The following TMTC2 variants were observed in gnomAD, a reference collection of about 807,000 sequenced individuals.
TMTC2 encodes the protein protein O-mannosyl-transferase TMTC2.
TMTC2 carries 43 observed loss-of-function variants against 82.4 expected under a neutral mutation model. The ratio of observed to expected loss-of-function variants is 0.52; its 90% CI spans 0.41 to 0.67. TMTC2 has a LOEUF of 0.67. Among genes scored for constraint, TMTC2 ranks in the 30% least tolerant of loss-of-function variants. TMTC2 has a pLI of 0.00. For synonymous variants in TMTC2, 408 were observed against 381.9 expected, an observed-to-expected ratio of 1.07 and a Z score of -0.80; for missense variants, 919 against 1,012.4, an observed-to-expected ratio of 0.91 and a Z score of 1.25.
At chr12:82,749,895 GC>G (rs1875892722) in intron 1 of TMTC2, among the ~76,000 whole-genome samples, 1 of 151,746 alleles carries the variant, frequency 6.6e-6, no homozygotes, top group Non-Finnish European at 1.5e-5. Context: ...GCACCACCAC[GC>G]CCGCATAATT....
intron 1 of TMTC2, among the ~76,000 whole-genome samples, chr12:82,767,503 C>G (rs1424048982): frequency 1.3e-5 from 2 of 152,126 alleles, no homozygotes; most frequent in Non-Finnish European, 2.9e-5. Context: ...GGGAGGATCA[C>G]TTGACCCAGG....
chr12:82,783,549 C>T (rs1045261257), intron 1 of TMTC2, among the ~76,000 whole-genome samples: 6 of 152,140 alleles, frequency 3.9e-5, no homozygotes, highest in Middle Eastern at 3.4e-3. Flanking sequence ...ACTGATCTTT[C>T]TTTATGCCTA....
At chr12:82,871,084 C>T (rs1872149820) in intron 2 of TMTC2, among the ~76,000 whole-genome samples, 1 of 152,306 alleles carries the variant, frequency 6.6e-6, no homozygotes, top group African/African-American at 2.4e-5. Flanking sequence ...TGAGAACCAC[C>T]ATTTATCAAG....
At chr12:82,778,717 C>T (rs965505799) in intron 1 of TMTC2, among the ~76,000 whole-genome samples, 39 of 150,850 alleles carry the variant, frequency 2.6e-4, no homozygotes, top group African/African-American at 8.2e-4. Flanking sequence ...GGCGTAGTGG[C>T]GGGCGCCTGT....
At position 82,865,390 on chromosome 12, in the gene TMTC2, A is replaced by T. The variant is rs568186241; in HGVS notation, c.654+7810A>T. 7.2e-5 allele frequency among the ~76,000 whole-genome samples: 11 copies of T among 152,356 alleles called. No individual in the cohort carries two copies. The East Asian group carries it at 1.9e-3, about 27-fold the overall frequency. On this transcript the variant is annotated intron_variant, in intron 2 of 11. Coordinates refer to ENST00000321196, the MANE Select transcript of TMTC2 (RefSeq NM_152588.3). ...TCTCTGATAAAACAGGCTTTAAACC[A>T]ACAAAGATCAAAAGAGACAAAGAAG...
intron 2 of TMTC2, 129 bp downstream of exon 2, chr12:82,857,709 A>C (rs1357951310): frequency 1.7e-5 from 13 of 779,730 alleles, no homozygotes; most frequent in Non-Finnish European, 2.4e-5. Context: ...TTTGATCTTC[A>C]GTAAGTGGAA....
chr12:82,847,741 A>C (rs146633398), intron 1 of TMTC2, among the ~76,000 whole-genome samples: 5 of 151,956 alleles, frequency 3.3e-5, no homozygotes, highest in African/African-American at 1.2e-4. Context: ...TGGGAATTGA[A>C]CAATGAGATC....
chr12:82,882,184 A>G (rs1047552345), intron 2 of TMTC2, among the ~76,000 whole-genome samples: 2 of 151,004 alleles, frequency 1.3e-5, no homozygotes, highest in Non-Finnish European at 2.9e-5. Flanking sequence ...TATTTTTAGT[A>G]GAGACGGGGT....
chr12:82,740,850 C>T (rs79489175), intron 1 of TMTC2, among the ~76,000 whole-genome samples: 5 of 152,146 alleles, frequency 3.3e-5, no homozygotes, highest in Admixed American at 3.3e-4. Flanking sequence ...AGCTAAAAGG[C>T]CTCTTTCATG....
At chr12:82,748,072 A>G (rs576068277) in intron 1 of TMTC2, among the ~76,000 whole-genome samples, 1 of 152,210 alleles carries the variant, frequency 6.6e-6, no homozygotes, top group Non-Finnish European at 1.5e-5. Flanking sequence ...GCACTTTGGG[A>G]GGCTGAGGCG....
chr12:82,980,680 C>A lies in TMTC2; in HGVS notation c.1949-5245C>A, dbSNP rs183853361. On this transcript the variant is annotated intron_variant, in intron 7 of 11. Transcript: ENST00000321196. ...TTCCCCCCATGAGCTTGTCTGGCAG[C>A]TTTTTAATAAAGAAAGTTCTAAAAC... Among the ~76,000 whole-genome samples, 564 of 151,818 alleles carry A rather than the reference C, an allele frequency of 3.7e-3. 2 individuals are homozygous for A. The highest frequency in any genetic ancestry group is 5.6e-3 in the Admixed American group (85 of 15,208).
intron 1 of TMTC2, among the ~76,000 whole-genome samples, chr12:82,775,557 G>A (rs1325064271): frequency 6.6e-6 from 1 of 152,060 alleles, no homozygotes; most frequent in East Asian, 1.9e-4. Flanking sequence ...ATGGAAGTTA[G>A]GAGAGGGCAT....
intron 9 of TMTC2, among the ~76,000 whole-genome samples, chr12:83,033,671 A>C (rs781713795): frequency 2.8e-4 from 43 of 151,944 alleles, no homozygotes; most frequent in Non-Finnish European, 5.9e-4. Context: ...GAATCACTTG[A>C]ACCCGGGAGG....
intron 4 of TMTC2, among the ~76,000 whole-genome samples, chr12:82,940,082 G>A (rs1251735825): frequency 2.1e-5 from 3 of 143,172 alleles, no homozygotes; most frequent in East Asian, 2.1e-4. Context: ...GTGCAGTGGC[G>A]CGATCTCGGC....
chr12:82,930,577 G>A (rs369699756), intron 4 of TMTC2, 32 bp downstream of exon 4: 122 of 1,434,662 alleles, frequency 8.5e-5, no homozygotes, highest in Admixed American at 1.4e-4. Flanking sequence ...GGTTTGGTTC[G>A]TCTTTGAAAC....
In TMTC2 at chr12:83,115,498, A is replaced by T. The variant is rs531478056; in HGVS notation, c.2332-16712A>T. Among the ~76,000 whole-genome samples, 12 of 152,296 alleles carry T rather than the reference A, an allele frequency of 7.9e-5. No homozygotes were observed. The South Asian group carries it at 1.5e-3, about 18-fold the overall frequency. On this transcript the variant is annotated intron_variant, in intron 11 of 11. Coordinates refer to ENST00000321196, the MANE Select transcript of TMTC2 (RefSeq NM_152588.3). Reference sequence around the variant, plus strand: ...TTCTGTATGTACTTTGAGACATCAGATATCTTCTTATATAGAACTTTTATT... The same window carrying T: ...TTCTGTATGTACTTTGAGACATCAGTTATCTTCTTATATAGAACTTTTATT...
intron 11 of TMTC2, among the ~76,000 whole-genome samples, chr12:83,125,102 G>A (rs1885063809): frequency 6.6e-6 from 1 of 152,196 alleles, no homozygotes; most frequent in Non-Finnish European, 1.5e-5. Flanking sequence ...AGGAGCTGCT[G>A]TCCTCCCGTA....
chr12:82,857,688 A>G lies in TMTC2; in HGVS notation c.654+108A>G, dbSNP rs543753849. 170 of 1,061,440 alleles carry G rather than the reference A, an allele frequency of 1.6e-4. 5 individuals are homozygous for G. The South Asian group carries it at 2.6e-3, about 16-fold the overall frequency. 65.8% of individuals were successfully genotyped at this position (1,061,440 alleles called of 1,614,324 possible). ...TATTCCTCTGCAAGCGGAATTTAAA[A>G]TAAGTTCCTTTTTGATCTTCAGTAA... On this transcript the variant is annotated intron_variant, in intron 2 of 11. Transcript: ENST00000321196.
intron 8 of TMTC2, among the ~76,000 whole-genome samples, chr12:83,014,986 G>A (rs941293560): frequency 6.6e-6 from 1 of 152,144 alleles, no homozygotes; most frequent in East Asian, 1.9e-4. Flanking sequence ...TAAGTAACTT[G>A]CCCAAGTAGT....
Sources: gnomAD v4.1 joint callset for allele counts (sites outside exome capture counted in the v4.1 genomes callset) on GRCh38, gnomAD v4.1.1 for gene constraint, MANE v1.5 for transcripts, NCBI Gene and HGNC (gene_info 2026-07-23, HGNC 2026-07-21) for gene names.